WDR19: variants seen among roughly 807,000 people sequenced by gnomAD.
The protein encoded by WDR19 is WD repeat-containing protein 19.
Under a neutral mutation model 180.0 loss-of-function variants are expected in WDR19, and 121 were observed. The observed-to-expected ratio is 0.67, with a 90% CI of 0.58 to 0.78. WDR19 has a LOEUF of 0.78. Among genes scored for constraint, WDR19 ranks in the 30% least tolerant of loss-of-function variants. The pLI is 0.00. For synonymous variants in WDR19, 497 were observed against 540.7 expected (o/e 0.92, Z 1.12); for missense variants, 1,450 against 1,640.7 (o/e 0.88, Z 2.01).
At position 39,268,006 on chromosome 4, in the gene WDR19, C is replaced by T; in HGVS notation, c.3273C>T (p.Tyr1091=). The T allele has an allele frequency of 1.2e-6, 2 of 1,603,086 alleles. No individual in the cohort carries two copies. Among genetic ancestry groups the T allele is most frequent in the Non-Finnish European group, 1.7e-6 (2 of 1,174,604 alleles). The part of the protein sequence containing the change: ...ENDGMPKDAK[Y]LFRLYMALKQ... ...GGTTTATGTGTCAGGATGCCAAGTA[C>T]CTGTTCCGCTTGTACATGGCTCTGA... Residue 1091 remains tyrosine, a synonymous_variant, in exon 30 of 37, where the codon TAC becomes TAT. Transcript: ENST00000399820.
At chr4:39,185,330 G>A (rs1041667384) in intron 1 of WDR19, among the ~76,000 whole-genome samples, 7 of 152,286 alleles carry the variant, frequency 4.6e-5, no homozygotes, top group African/African-American at 1.7e-4. Context: ...GTTTAAGATA[G>A]CAATTTTTGT....
intron 24 of WDR19, among the ~76,000 whole-genome samples, chr4:39,245,948 G>C (rs1203213552): frequency 6.6e-6 from 1 of 152,026 alleles, no homozygotes; most frequent in East Asian, 1.9e-4. Flanking sequence ...ATATAGCAAT[G>C]GATAGTTAAT....
chr4:39,273,572 G>T (rs1036137342), intron 32 of WDR19: 2 of 152,956 alleles, frequency 1.3e-5, no homozygotes, highest in African/African-American at 4.8e-5. Flanking sequence ...CATAAACCAC[G>T]TTGTTTGTAC....
At chr4:39,218,182 C>G (rs1729278849) in intron 14 of WDR19, 77 bp downstream of exon 14, 1 of 1,501,714 alleles carries the variant, frequency 6.7e-7, no homozygotes, top group Admixed American at 2.1e-5. Flanking sequence ...TTCTCTTTTC[C>G]TACCAGTCTT....
At chr4:39,266,672 G>T (rs1224219497) in intron 29 of WDR19, among the ~76,000 whole-genome samples, 8 of 152,192 alleles carry the variant, frequency 5.3e-5, no homozygotes, top group Admixed American at 1.3e-4. Flanking sequence ...CACTGATGTT[G>T]CAACTATGAC....
At chr4:39,250,720 A>G (rs1354156943) in intron 24 of WDR19, among the ~76,000 whole-genome samples, 2 of 152,296 alleles carry the variant, frequency 1.3e-5, no homozygotes, top group South Asian at 2.1e-4. Flanking sequence ...ATAACAGACA[A>G]ACAGAGAGCC....
At chr4:39,247,901 G>A (rs1253195792) in intron 24 of WDR19, among the ~76,000 whole-genome samples, 1 of 152,226 alleles carries the variant, frequency 6.6e-6, no homozygotes, top group East Asian at 1.9e-4. Context: ...AAGTGACGGG[G>A]AGAATGGAAC....
chr4:39,215,893 C>G lies in WDR19; in HGVS notation c.1014C>G (p.Thr338=). The change falls in exon 11 of 37, where the codon ACC becomes ACG. Residue 338 remains threonine, a synonymous_variant. Coordinates refer to ENST00000399820, the MANE Select transcript of WDR19 (RefSeq NM_025132.4). ...ATGGCCAGTTGCTAGCACTCTCTAC[C>G]CAAAGGGGCTCACTTCATGTTTTCC... ...TDDGQLLALS[T]QRGSLHVFLT... is the part of the protein sequence containing the mutation. 6 of 1,613,802 alleles carry G rather than the reference C, an allele frequency of 3.7e-6. No individual in the cohort carries two copies. Among genetic ancestry groups the G allele is most frequent in the Non-Finnish European group, 5.1e-6 (6 of 1,179,812 alleles).
chr4:39,195,163 C>G (rs1726593341), intron 5 of WDR19, among the ~76,000 whole-genome samples: 2 of 151,872 alleles, frequency 1.3e-5, no homozygotes, highest in Non-Finnish European at 2.9e-5. Flanking sequence ...GTCAGGAGTT[C>G]AAGACCAGCC....
chr4:39,211,981 GAGAGAT>G (rs1728587975), intron 9 of WDR19, among the ~76,000 whole-genome samples: 3 of 87,446 alleles, frequency 3.4e-5, no homozygotes, highest in Non-Finnish European at 5.4e-5. Flanking sequence ...GAGAGAGAGA[GAGAGAT>G]AGATAGATGT....
At chr4:39,214,482 T>G (rs1030270947) in intron 9 of WDR19, 119 bp from the exon 10 acceptor site, 1 of 594,770 alleles carries the variant, frequency 1.7e-6, no homozygotes, top group African/African-American at 1.9e-5. Context: ...AGTAGATCAT[T>G]CTGTACATCA....
In WDR19 at chr4:39,276,937, G is replaced by A. The variant is rs546221053; in HGVS notation, c.3717-83G>A. On this transcript the variant is annotated intron_variant, in intron 33 of 36. Transcript: ENST00000399820. ...TGAAGTAGGTGTGTCATATGTCCCT[G>A]GTTTTCCAAATATGCTTTCTCTTTG... 1.7e-4 allele frequency: 260 copies of A among 1,565,712 alleles called. 2 individuals carry two copies. The highest frequency in any genetic ancestry group is 1.5e-3 in the South Asian group (129 of 88,632).
intron 32 of WDR19, chr4:39,274,053 C>G (rs1735657783): frequency 6.6e-6 from 1 of 152,214 alleles, no homozygotes; most frequent in African/African-American, 2.4e-5. Context: ...TTCAATAGAG[C>G]TTTATGTTTG....
intron 2 of WDR19, 87 bp from the exon 3 acceptor site, chr4:39,186,452 C>T (rs1725547783): frequency 1.9e-6 from 2 of 1,034,076 alleles, no homozygotes; most frequent in Non-Finnish European, 2.6e-6. Flanking sequence ...GCACTCCAGC[C>T]TGGGCAACAG....
chr4:39,219,289 C>A (rs1729414385), intron 14 of WDR19, among the ~76,000 whole-genome samples: 1 of 152,126 alleles, frequency 6.6e-6, no homozygotes. Flanking sequence ...ATACAAACTT[C>A]AGGGTAATGC....
At chr4:39,212,864 T>A (rs776938814) in intron 9 of WDR19, among the ~76,000 whole-genome samples, 1 of 152,112 alleles carries the variant, frequency 6.6e-6, no homozygotes, top group Non-Finnish European at 1.5e-5. Flanking sequence ...ACGAAAATAA[T>A]ACATTTACTT....
chr4:39,267,031 C>T (rs189836652), intron 29 of WDR19, among the ~76,000 whole-genome samples: 7 of 152,280 alleles, frequency 4.6e-5, no homozygotes, highest in Non-Finnish European at 8.8e-5. Context: ...TGCAGTGAAC[C>T]GAGATTGTGC....
intron 19 of WDR19, among the ~76,000 whole-genome samples, chr4:39,233,835 T>C (rs188643251): frequency 2.6e-5 from 4 of 152,204 alleles, no homozygotes; most frequent in Non-Finnish European, 5.9e-5. Flanking sequence ...CTCAACTCTT[T>C]TGCATTTAAC....
At chr4:39,187,236 C>G (rs1246464925) in intron 3 of WDR19, among the ~76,000 whole-genome samples, 1 of 151,860 alleles carries the variant, frequency 6.6e-6, no homozygotes, top group Non-Finnish European at 1.5e-5. Flanking sequence ...CTGGCTAACA[C>G]GGTCAAACCT....
Sources: gnomAD v4.1 joint callset for allele counts (sites outside exome capture counted in the v4.1 genomes callset) on GRCh38, gnomAD v4.1.1 for gene constraint, MANE v1.5 for transcripts, NCBI Gene and HGNC (gene_info 2026-07-23, HGNC 2026-07-21) for gene names.